The following PHACTR2 variants were observed in gnomAD, a reference collection of about 807,000 sequenced individuals.
PHACTR2 encodes the protein chromosome 6 open reading frame 56.
In PHACTR2, 30 loss-of-function variants were observed where a neutral mutation model predicts 76.0. The observed-to-expected ratio is 0.39, with a 90% confidence interval of 0.30 to 0.54. The LOEUF (loss-of-function observed/expected upper bound fraction) is 0.54, where lower values mean the gene tolerates loss of function less well. Ranked by LOEUF, PHACTR2 falls within the 20% of genes least tolerant of loss-of-function variation. The probability of loss-of-function intolerance (pLI) is 0.61; values close to 1 mark genes in which losing one functional copy is unlikely to be tolerated. For missense variants in PHACTR2, 696 were observed against 781.1 expected (o/e 0.89, Z 1.30); for synonymous variants, 292 against 292.5 (o/e 1.00, Z 0.02).
chr6:143,746,828 C>A (rs1434241645), intron 2 of PHACTR2, among the ~76,000 whole-genome samples: 3 of 147,720 alleles, frequency 2.0e-5, no homozygotes, highest in Non-Finnish European at 3.0e-5. Context: ...TAATAGAACA[C>A]CCAGTTTAAA....
chr6:143,816,875 G>A lies in PHACTR2; in HGVS notation c.1923-6799G>A, dbSNP rs1370218860. ...GAGGCCAGGAGTTCAAGACCAGCCT[G>A]GTCAACATGGCACAATGCTGTCTCT... On this transcript the variant is annotated intron_variant, in intron 12 of 12. Coordinates refer to ENST00000440869, the MANE Select transcript of PHACTR2 (RefSeq NM_001100164.2). This position sits in a 1 kb window ranked among gnomAD's most constrained non-coding sequence, Gnocchi z 4.5. Among the ~76,000 whole-genome samples, 1 of 152,130 alleles carries A rather than the reference G, an allele frequency of 6.6e-6. No individual in the cohort carries two copies. The highest frequency in any genetic ancestry group is 2.4e-5 in the African/African-American group (1 of 41,416).
In PHACTR2 at chr6:143,789,079, A is replaced by T. The variant is rs531477558; in HGVS notation, c.1845+169A>T. The T allele has an allele frequency of 1.4e-5, 7 of 513,520 alleles. No homozygotes were observed. Among genetic ancestry groups the T allele is most frequent in the Admixed American group, 3.2e-5 (1 of 31,706 alleles). The allele number at this position is 513,520 out of a possible 1,614,324, so 31.8% of individuals were successfully genotyped here. ...TTAAGTGATACATTTAGTGATATCA[A>T]TGTAGTTCTTTCAACTAAGTCTCAG... On this transcript the variant is annotated intron_variant, in intron 11 of 12. Coordinates refer to ENST00000440869, the MANE Select transcript of PHACTR2 (RefSeq NM_001100164.2). The surrounding 1 kb of genome is among the most constrained non-coding windows in gnomAD (Gnocchi z 5.1).
chr6:143,571,483 T>C lies in PHACTR2; in HGVS notation c.217+34276T>C, dbSNP rs9390105. 0.61 allele frequency among the ~76,000 whole-genome samples: 93,052 copies of C among 151,826 alleles called. 28,846 individuals are homozygous for C. The highest frequency in any genetic ancestry group is 0.72 in the Middle Eastern group (212 of 294). On this transcript the variant is annotated intron_variant, in intron 1 of 11. Coordinates refer to the PHACTR2 transcript ENST00000367584. The surrounding 1 kb of genome is among the most constrained non-coding windows in gnomAD (Gnocchi z 4.6). Reference sequence around the variant, plus strand: ...GCAGTGGTGCAATCATAGCTCACTGTGGCCTCAAAGTCTTGACTGAGCTCA... The same window carrying C: ...GCAGTGGTGCAATCATAGCTCACTGCGGCCTCAAAGTCTTGACTGAGCTCA...
rs1266673535 is a variant in PHACTR2 at position 143,679,051 on chromosome 6, C to T, written c.46+842C>T. Reference sequence around the variant, plus strand: ...TCAACGATTAAAAATAAATAATACTCGAAGGGACCGTTTATGTTACTCATT... The same window carrying T: ...TCAACGATTAAAAATAAATAATACTTGAAGGGACCGTTTATGTTACTCATT... On this transcript the variant is annotated intron_variant, in intron 1 of 12. Transcript: ENST00000440869. This position sits in a 1 kb window ranked among gnomAD's most constrained non-coding sequence, Gnocchi z 4.6. 6.6e-6 allele frequency among the ~76,000 whole-genome samples: 1 copy of T among 152,018 alleles called. No homozygotes were observed. The highest frequency in any genetic ancestry group is 1.5e-5 in the Non-Finnish European group (1 of 68,004).
rs144077213 is a variant in PHACTR2, at chr6:143,783,005, ATGTGTGTGTGTG to A, written c.1646-194_1646-183del. Reference sequence around the variant, plus strand: ...AGCAAACCAGTCCTACAAAAAAAGCATGTGTGTGTGTGTGTGTGTGTGTGTGTGTGTATGTGT... The same window carrying A: ...AGCAAACCAGTCCTACAAAAAAAGCATGTGTGTGTGTGTGTGTGTATGTGT... On this transcript the variant is annotated intron_variant, in intron 9 of 12. Transcript: ENST00000440869. This position sits in a 1 kb window ranked among gnomAD's most constrained non-coding sequence, Gnocchi z 5.2. Among the ~76,000 whole-genome samples the A allele has an allele frequency of 6.8e-6, 1 of 146,138 alleles. No homozygotes were observed. Among genetic ancestry groups the A allele is most frequent in the Admixed American group, 6.8e-5 (1 of 14,602 alleles).
At chr6:143,749,598 A>G (rs1300036376) in intron 3 of PHACTR2, among the ~76,000 whole-genome samples, 4 of 152,142 alleles carry the variant, frequency 2.6e-5, no homozygotes, top group Non-Finnish European at 4.4e-5. Flanking sequence ...TCTCTCATGT[A>G]ATTTTGCAGT....
intron 1 of PHACTR2, among the ~76,000 whole-genome samples, chr6:143,626,260 G>T (rs1185945414): frequency 6.6e-6 from 1 of 152,064 alleles, no homozygotes; most frequent in Non-Finnish European, 1.5e-5. Flanking sequence ...AAAACCGGCC[G>T]GGCACGGTTG....
chr6:143,706,976 A>G (rs1342684709), intron 1 of PHACTR2, among the ~76,000 whole-genome samples: 1 of 152,206 alleles, frequency 6.6e-6, no homozygotes, highest in East Asian at 1.9e-4. Flanking sequence ...TATTGTTTCA[A>G]TTGAGAGAGA....
chr6:143,584,703 C>A, intron 1 of PHACTR2, among the ~76,000 whole-genome samples: 1 of 152,164 alleles, frequency 6.6e-6, no homozygotes, highest in Non-Finnish European at 1.5e-5. Context: ...GACCTCTTCA[C>A]ACACAAAACT....
At chr6:143,540,233 C>G (rs1781160285) in intron 1 of PHACTR2, among the ~76,000 whole-genome samples, 1 of 152,064 alleles carries the variant, frequency 6.6e-6, no homozygotes, top group South Asian at 2.1e-4. Flanking sequence ...TGCTGTGGGT[C>G]CTTAGAAGAG....
chr6:143,785,197 G>A (rs1158020138), intron 10 of PHACTR2, among the ~76,000 whole-genome samples: 1 of 152,174 alleles, frequency 6.6e-6, no homozygotes, highest in South Asian at 2.1e-4. Flanking sequence ...GATAAAATGC[G>A]GGTACAGGCA....
In PHACTR2 at chr6:143,639,185, C is replaced by G. The variant is rs959823620; in HGVS notation, c.13+30863C>G. Among the ~76,000 whole-genome samples the G allele has an allele frequency of 2.6e-5, 4 of 152,174 alleles. No individual in the cohort carries two copies. The highest frequency in any genetic ancestry group is 9.7e-5 in the African/African-American group (4 of 41,450). On this transcript the variant is annotated intron_variant, in intron 1 of 11. Coordinates refer to the PHACTR2 transcript ENST00000305766. This position sits in a 1 kb window ranked among gnomAD's most constrained non-coding sequence, Gnocchi z 5.0. ...ACATCTTTCTGCTTTCATGAGCCAC[C>G]AATGACATGCTTCATAAAATGACAA...
rs903668925 is a variant in PHACTR2, at chr6:143,539,211, CTT to C, written c.217+2006_217+2007del. Among the ~76,000 whole-genome samples, 14 of 152,216 alleles carry C rather than the reference CTT, an allele frequency of 9.2e-5. No homozygotes were observed. The highest frequency in any genetic ancestry group is 2.7e-4 in the African/African-American group (11 of 41,464). Reference sequence around the variant, plus strand: ...TAAAATTATTTTACTTCTGAGGACTCTTTGTCTTTTCTGTGTCCTCTTAACGG... The same window carrying C: ...TAAAATTATTTTACTTCTGAGGACTCTGTCTTTTCTGTGTCCTCTTAACGG... On this transcript the variant is annotated intron_variant, in intron 1 of 11. Transcript: ENST00000367584. This position sits in a 1 kb window ranked among gnomAD's most constrained non-coding sequence, Gnocchi z 4.3.
In PHACTR2 at chr6:143,803,653, T is replaced by A. The variant is rs931713502; in HGVS notation, c.1846-3404T>A. Among the ~76,000 whole-genome samples the A allele has an allele frequency of 3.9e-5, 6 of 152,192 alleles. No homozygotes were observed. Among genetic ancestry groups the A allele is most frequent in the African/African-American group, 1.4e-4 (6 of 41,442 alleles). ...GGAAAAATCAGATTCATCGAACGAT[T>A]TTTTGGCCAACAACTGTTTGAGAAT... On this transcript the variant is annotated intron_variant, in intron 11 of 12. Coordinates refer to ENST00000440869, the MANE Select transcript of PHACTR2 (RefSeq NM_001100164.2). The surrounding 1 kb of genome is among the most constrained non-coding windows in gnomAD (Gnocchi z 4.7).
At position 143,772,479 on chromosome 6, in the gene PHACTR2, A is replaced by C; in HGVS notation, c.1432+22A>C. 6.3e-7 allele frequency: 1 copy of C among 1,582,328 alleles called. No individual in the cohort carries two copies. The highest frequency in any genetic ancestry group is 8.7e-7 in the Non-Finnish European group (1 of 1,153,694). On this transcript the variant is annotated intron_variant, in intron 7 of 12. Coordinates refer to ENST00000440869, the MANE Select transcript of PHACTR2 (RefSeq NM_001100164.2). This position sits in a 1 kb window ranked among gnomAD's most constrained non-coding sequence, Gnocchi z 5.4. ...GAAAGTAAGACTGTTTTCAAGAGGC[A>C]GGGAGGAGCGTGGGTGATAAGCAGA...
In PHACTR2 at chr6:143,730,655, A is replaced by C. The variant is rs994354770; in HGVS notation, c.215-18330A>C. Among the ~76,000 whole-genome samples the C allele has an allele frequency of 3.9e-5, 6 of 152,176 alleles. No homozygotes were observed. Among genetic ancestry groups the C allele is most frequent in the Non-Finnish European group, 4.4e-5 (3 of 68,034 alleles). On this transcript the variant is annotated intron_variant, in intron 2 of 12. Coordinates refer to ENST00000440869, the MANE Select transcript of PHACTR2 (RefSeq NM_001100164.2). This position sits in a 1 kb window ranked among gnomAD's most constrained non-coding sequence, Gnocchi z 4.8. ...CACCAGCTAGGACTTGTACTACAAT[A>C]GTAAACAGCAGTGTTGAAGGAGATA... is the stretch of plus-strand genomic sequence containing the variant.
At position 143,712,017 on chromosome 6, in the gene PHACTR2, T is replaced by C. The variant is rs1341324107; in HGVS notation, c.48T>C (p.Val16=). The C allele has an allele frequency of 5.0e-6, 8 of 1,596,474 alleles. No homozygotes were observed. The highest frequency in any genetic ancestry group is 1.4e-5 in the African/African-American group (1 of 73,962). Residue 16 remains valine (V), a splice_region_variant and synonymous_variant, in exon 2 of 13, where the codon GTT becomes GTC. Transcript: ENST00000440869. ...VSTLSPQPGS[V]DGLDKASIAN... ...CTGTCTATATCTTTCTTTATACAGT[T>C]GACGGACTGGACAAAGCTTCTATAG...
Position 143,760,739 on chromosome 6 carries a change from T to G in PHACTR2, c.694+99T>G, listed in dbSNP as rs138357107. 237 of 1,353,002 alleles carry G rather than the reference T, an allele frequency of 1.8e-4. No homozygotes were observed. Among genetic ancestry groups the G allele is most frequent in the Non-Finnish European group, 2.3e-4 (225 of 996,824 alleles). 83.8% of individuals were successfully genotyped at this position (1,353,002 alleles called of 1,614,324 possible). On this transcript the variant is annotated intron_variant, in intron 5 of 12. Transcript: ENST00000440869. The surrounding 1 kb of genome is among the most constrained non-coding windows in gnomAD (Gnocchi z 6.4). ...CTAGGTGTGATGGGCTTTTGGTGTC[T>G]TAGGACATTACACCAGCAGGTTCAG... is the stretch of plus-strand genomic sequence containing the variant.
At chr6:143,637,011 T>C (rs1776466695) in intron 1 of PHACTR2, among the ~76,000 whole-genome samples, 1 of 152,222 alleles carries the variant, frequency 6.6e-6, no homozygotes, top group East Asian at 1.9e-4. Flanking sequence ...TTAGATGCTC[T>C]CAATCCAGAT....
Sources: allele counts gnomAD v4.1 joint callset (sites outside exome capture counted in the v4.1 genomes callset), GRCh38; gene constraint gnomAD v4.1.1; non-coding constraint Gnocchi (gnomAD v3.1); transcripts MANE v1.5; gene names NCBI Gene and HGNC (gene_info 2026-07-23, HGNC 2026-07-21).